RALGPS1: variants seen among roughly 807,000 people sequenced by gnomAD.
RALGPS1 encodes ras-specific guanine nucleotide-releasing factor RalGPS1.
RALGPS1 carries 19 observed loss-of-function variants against 78.8 expected under a neutral mutation model. The observed-to-expected ratio is 0.24, with a 90% CI of 0.17 to 0.35. RALGPS1 has a LOEUF of 0.35. Ranked by LOEUF, RALGPS1 falls within the 10% of genes least tolerant of loss-of-function variation. The pLI is 1.00. For synonymous variants in RALGPS1, 228 were observed against 256.3 expected, an observed-to-expected ratio of 0.89 and a Z score of 1.06; for missense variants, 454 against 688.3, an observed-to-expected ratio of 0.66 and a Z score of 3.81.
intron 8 of RALGPS1, among the ~76,000 whole-genome samples, chr9:127,074,632 G>A (rs2050517983): frequency 6.6e-6 from 1 of 152,236 alleles, no homozygotes; most frequent in Non-Finnish European, 1.5e-5. Context: ...CATGAGAGCT[G>A]CTGTGCATTG....
chr9:127,041,207 T>G (rs1589160491), intron 5 of RALGPS1, among the ~76,000 whole-genome samples: 1 of 152,232 alleles, frequency 6.6e-6, no homozygotes, highest in South Asian at 2.1e-4. Flanking sequence ...TTCTCCTACC[T>G]CAGCTTCTGG....
At chr9:127,202,188 C>G (rs772713874) in intron 14 of RALGPS1, among the ~76,000 whole-genome samples, 1 of 152,212 alleles carries the variant, frequency 6.6e-6, no homozygotes, top group Non-Finnish European at 1.5e-5. Flanking sequence ...CAGGCCAGTT[C>G]CTCCACACCA....
chr9:127,100,286 T>G (rs2053584109), intron 8 of RALGPS1, among the ~76,000 whole-genome samples: 1 of 152,210 alleles, frequency 6.6e-6, no homozygotes, highest in African/African-American at 2.4e-5. Flanking sequence ...GTAGGTCATT[T>G]CAATGCATGT....
intron 4 of RALGPS1, among the ~76,000 whole-genome samples, chr9:127,032,781 G>C (rs1278752802): frequency 6.6e-6 from 1 of 152,104 alleles, no homozygotes; most frequent in Admixed American, 6.5e-5. Context: ...CTTAAGGCCA[G>C]GAATTTGAGA....
chr9:127,098,154 G>A (rs930850746), intron 8 of RALGPS1, among the ~76,000 whole-genome samples: 2 of 152,198 alleles, frequency 1.3e-5, no homozygotes, highest in African/African-American at 2.4e-5. Flanking sequence ...TGTTTTCCAT[G>A]TATTTTTAAG....
intron 14 of RALGPS1, among the ~76,000 whole-genome samples, chr9:127,201,785 A>G (rs565059353): frequency 6.6e-6 from 1 of 152,228 alleles, no homozygotes; most frequent in Admixed American, 6.5e-5. Context: ...CCCTCAGAAG[A>G]CTGAGTGTCA....
chr9:127,111,540 C>T (rs146586727), intron 8 of RALGPS1, among the ~76,000 whole-genome samples: 405 of 152,332 alleles, frequency 2.7e-3, no homozygotes, highest in African/African-American at 9.2e-3. Context: ...TAGATTGGGG[C>T]AGGGATCCCA....
intron 14 of RALGPS1, among the ~76,000 whole-genome samples, chr9:127,200,983 G>C (rs776203064): frequency 6.6e-6 from 1 of 152,212 alleles, no homozygotes; most frequent in Non-Finnish European, 1.5e-5. Context: ...TTAAGCAGCT[G>C]CTCCCTGCCA....
intron 5 of RALGPS1, 136 bp downstream of exon 5, chr9:127,034,650 C>T: frequency 1.4e-6 from 1 of 726,762 alleles, no homozygotes. Context: ...GAGTCCCCCA[C>T]CTTTATCCAG....
chr9:127,045,113 A>G (rs1326618307), intron 5 of RALGPS1, among the ~76,000 whole-genome samples: 1 of 152,204 alleles, frequency 6.6e-6, no homozygotes, highest in African/African-American at 2.4e-5. Flanking sequence ...GTGAAACTAT[A>G]TGATATTGTC....
intron 8 of RALGPS1, among the ~76,000 whole-genome samples, chr9:127,136,606 C>T (rs1474499515): frequency 5.3e-5 from 8 of 152,236 alleles, no homozygotes; most frequent in African/African-American, 1.7e-4. Flanking sequence ...CTAGGGTTGT[C>T]ATCAGGATAC....
At chr9:127,157,616 C>T (rs2139311884) in intron 8 of RALGPS1, among the ~76,000 whole-genome samples, 2 of 151,966 alleles carry the variant, frequency 1.3e-5, no homozygotes, top group South Asian at 4.2e-4. Context: ...TGTAAATTGC[C>T]CTTTTTTTCC....
intron 8 of RALGPS1, among the ~76,000 whole-genome samples, chr9:127,076,435 A>G (rs2787591): frequency 0.024 from 3,614 of 152,358 alleles, 46 homozygotes; most frequent in Middle Eastern, 0.048. Flanking sequence ...ATTTGGAGAC[A>G]TTCTTAGTAA....
At chr9:126,955,994 C>T (rs1822467773) in intron 1 of RALGPS1, among the ~76,000 whole-genome samples, 1 of 152,226 alleles carries the variant, frequency 6.6e-6, no homozygotes, top group African/African-American at 2.4e-5. Context: ...GACACAGGCT[C>T]TTTCTTCAGT....
At chr9:126,942,729 C>T (rs569585004) in intron 1 of RALGPS1, among the ~76,000 whole-genome samples, 1 of 152,198 alleles carries the variant, frequency 6.6e-6, no homozygotes, top group South Asian at 2.1e-4. Flanking sequence ...AAAATGAATC[C>T]CCTTAGGATT....
At chr9:127,095,908 C>T (rs146974489) in intron 8 of RALGPS1, among the ~76,000 whole-genome samples, 1 of 152,336 alleles carries the variant, frequency 6.6e-6, no homozygotes, top group East Asian at 1.9e-4. Context: ...GGCTGTCTTG[C>T]TCATTCCTTG....
intron 11 of RALGPS1, chr9:127,178,130 T>G (rs1256239037): frequency 2.2e-6 from 2 of 890,726 alleles, no homozygotes; most frequent in Admixed American, 5.1e-5. Flanking sequence ...TGGAGGATGA[T>G]TGGCTGTGCA....
At chr9:127,109,803 G>A (rs1364157450) in intron 8 of RALGPS1, among the ~76,000 whole-genome samples, 1 of 152,190 alleles carries the variant, frequency 6.6e-6, no homozygotes, top group East Asian at 1.9e-4. Context: ...ACTGTCACAT[G>A]CTGTAAAGGA....
At chr9:127,107,877 C>CT in intron 8 of RALGPS1, 1 of 1,508,414 alleles carries the variant, frequency 6.6e-7, no homozygotes. Context: ...GTGCCTGGCT[C>CT]TGAGACCCAC....
Sources: gnomAD v4.1 joint callset for allele counts (sites outside exome capture counted in the v4.1 genomes callset) on GRCh38, gnomAD v4.1.1 for gene constraint, MANE v1.5 for transcripts, NCBI Gene and HGNC (gene_info 2026-07-23, HGNC 2026-07-21) for gene names.